Variants in NME7 observed in about 807,000 individuals in gnomAD.
The protein encoded by NME7 is nucleoside diphosphate kinase 7.
NME7 carries 41 observed loss-of-function variants against 49.1 expected under a neutral mutation model. The observed-to-expected ratio is 0.83, with a 90% CI of 0.65 to 1.08. NME7 has a LOEUF of 1.08. NME7 is among the 50% of genes least tolerant of loss of function. The probability of loss-of-function intolerance (pLI) is 0.00; values close to 1 mark genes in which losing one functional copy is unlikely to be tolerated. For missense variants in NME7, 423 were observed against 463.4 expected, an observed-to-expected ratio of 0.91 and a Z score of 0.80; for synonymous variants, 139 against 150.6, an observed-to-expected ratio of 0.92 and a Z score of 0.56.
intron 10 of NME7, among the ~76,000 whole-genome samples, chr1:169,174,880 C>T (rs1261631710): frequency 1.3e-5 from 2 of 152,124 alleles, no homozygotes; most frequent in East Asian, 1.9e-4. Flanking sequence ...CTGTATACTA[C>T]TGCAGACTTT....
In NME7 at chr1:169,235,156, TA is replaced by T; in HGVS notation, c.862del (p.Tyr288IlefsTer4). On this transcript the variant is annotated frameshift_variant, in exon 9 of 12. Coordinates refer to ENST00000367811, the MANE Select transcript of NME7 (RefSeq NM_013330.5). LOFTEE classifies it high-confidence loss of function. Reference sequence around the variant, plus strand: ...ATGATATTCGGTCACTACTCCTTTATAAACTTCATAGAATTCCTCAACATTA... The same window carrying T: ...ATGATATTCGGTCACTACTCCTTTATAACTTCATAGAATTCCTCAACATTA... ...RVNVEEFYEV[Y>X]KGVVTEYHDM... 1.3e-6 allele frequency: 2 copies of T among 1,539,312 alleles called. No individual in the cohort carries two copies. The highest frequency in any genetic ancestry group is 1.8e-6 in the Non-Finnish European group (2 of 1,122,328).
intron 7 of NME7, among the ~76,000 whole-genome samples, chr1:169,254,239 G>C (rs1441573239): frequency 6.6e-6 from 1 of 151,800 alleles, no homozygotes; most frequent in Non-Finnish European, 1.5e-5. Context: ...CACAATTTCA[G>C]ATCCTGTTAT....
At chr1:169,342,915 A>G (rs34710865) in intron 1 of NME7, among the ~76,000 whole-genome samples, 1,417 of 93,692 alleles carry the variant, frequency 0.015, 297 homozygotes, top group East Asian at 0.033. Flanking sequence ...TATATAGTGT[A>G]TATATATATA....
At chr1:169,188,242 G>A (rs964474532) in intron 10 of NME7, among the ~76,000 whole-genome samples, 13 of 152,046 alleles carry the variant, frequency 8.6e-5, no homozygotes, top group African/African-American at 2.9e-4. Flanking sequence ...AAAGACAAAT[G>A]TCTATAAGTA....
intron 7 of NME7, among the ~76,000 whole-genome samples, chr1:169,279,132 AG>A (rs1311103227): frequency 6.6e-6 from 1 of 152,174 alleles, no homozygotes; most frequent in Non-Finnish European, 1.5e-5. Context: ...CTTGGGGGTC[AG>A]GGGTCAGGGA....
chr1:169,355,305 A>AATATATTGTATATTAT (rs1391339984), intron 1 of NME7, among the ~76,000 whole-genome samples: 16 of 104,298 alleles, frequency 1.5e-4, no homozygotes, highest in Non-Finnish European at 2.1e-4. Flanking sequence ...TATTATATAT[A>AATATATTGTATATTAT]ATATATTGTA....
intron 7 of NME7, among the ~76,000 whole-genome samples, chr1:169,251,561 C>T (rs12039104): frequency 0.16 from 14,767 of 92,810 alleles, 896 homozygotes; most frequent in African/African-American, 0.28. Context: ...TTTTTTTTTT[C>T]TTTTTTTTTT....
At chr1:169,355,709 G>A (rs549377565) in intron 1 of NME7, among the ~76,000 whole-genome samples, 7 of 152,100 alleles carry the variant, frequency 4.6e-5, no homozygotes, top group Non-Finnish European at 1.0e-4. Context: ...TGTCAGCAAT[G>A]TAAGGAGGCT....
chr1:169,278,862 G>A (rs35653716), intron 7 of NME7, among the ~76,000 whole-genome samples: 10,628 of 152,100 alleles, frequency 0.07, 1,478 homozygotes, highest in East Asian at 0.66. Context: ...ATGGGTTTTT[G>A]GTGTGGATGT....
chr1:169,309,513 GC>G (rs1181047191), intron 4 of NME7, among the ~76,000 whole-genome samples: 2 of 152,122 alleles, frequency 1.3e-5, no homozygotes, highest in African/African-American at 4.8e-5. Context: ...AAGCAGCACT[GC>G]GATTCACCAT....
chr1:169,190,716 A>G, intron 10 of NME7: 1 of 418,608 alleles, frequency 2.4e-6, no homozygotes, highest in South Asian at 1.7e-5. Context: ...CTGGGGAGAG[A>G]GGCAATATAA....
At chr1:169,236,455 T>A (rs2101826909) in intron 8 of NME7, among the ~76,000 whole-genome samples, 1 of 152,224 alleles carries the variant, frequency 6.6e-6, no homozygotes, top group East Asian at 1.9e-4. Context: ...TTAAAATTAT[T>A]TTTTTCATTA....
chr1:169,310,979 T>A (rs997482866), intron 3 of NME7, among the ~76,000 whole-genome samples: 2 of 152,226 alleles, frequency 1.3e-5, no homozygotes, highest in African/African-American at 4.8e-5. Context: ...GCTTTTGTGA[T>A]AAAGAATTGC....
chr1:169,148,987 T>A (rs1386323109), intron 11 of NME7, among the ~76,000 whole-genome samples: 1 of 152,252 alleles, frequency 6.6e-6, no homozygotes, highest in Non-Finnish European at 1.5e-5. Flanking sequence ...CTGGAAGTTC[T>A]TTCAACTTCA....
chr1:169,208,760 G>A (rs1037682401), intron 10 of NME7, among the ~76,000 whole-genome samples: 1 of 152,056 alleles, frequency 6.6e-6, no homozygotes, highest in Admixed American at 6.6e-5. Context: ...TAATTAGTAG[G>A]AAGGCTTAAA....
chr1:169,309,508 G>A lies in NME7; in HGVS notation c.389+462C>T, dbSNP rs1651301195. On this transcript the variant is annotated intron_variant, in intron 4 of 11. Transcript: ENST00000367811. ...CCATAAAAAGACAAAAAGGAAAGCA[G>A]CACTGCGATTCACCATCAATTGTGA... Among the ~76,000 whole-genome samples the A allele has an allele frequency of 5.9e-5, 9 of 152,270 alleles. No homozygotes were observed. In the South Asian group the frequency reaches 1.9e-3, roughly 32 times the overall value.
intron 7 of NME7, among the ~76,000 whole-genome samples, chr1:169,246,133 C>T (rs1558005296): frequency 6.6e-6 from 1 of 151,796 alleles, no homozygotes; most frequent in Non-Finnish European, 1.5e-5. Context: ...AACTTCATGT[C>T]TACAAAAAAT....
rs145423476 is a variant in NME7 at position 169,216,706 on chromosome 1, T to C, written c.990+14012A>G. ...AGGAAGTGGGGGCAGTCTTGTGGAA[T>C]TGAACCCTCAACCTATGGGATCTCT... On this transcript the variant is annotated intron_variant, in intron 10 of 11. Coordinates refer to ENST00000367811, the MANE Select transcript of NME7 (RefSeq NM_013330.5). 1.5e-3 allele frequency among the ~76,000 whole-genome samples: 232 copies of C among 152,292 alleles called. 2 individuals are homozygous for C. Among genetic ancestry groups the C allele is most frequent in the Admixed American group, 0.012 (189 of 15,282 alleles).
chr1:169,217,210 A>G (rs1489527428), intron 10 of NME7, among the ~76,000 whole-genome samples: 1 of 152,220 alleles, frequency 6.6e-6, no homozygotes, highest in Non-Finnish European at 1.5e-5. Flanking sequence ...CACTCCAATA[A>G]TAACAAATAA....
Sources: allele counts gnomAD v4.1 joint callset (sites outside exome capture counted in the v4.1 genomes callset), GRCh38; gene constraint gnomAD v4.1.1; transcripts MANE v1.5; gene names NCBI Gene and HGNC (gene_info 2026-07-23, HGNC 2026-07-21).